The following SPAST variants were observed in gnomAD, a reference collection of about 807,000 sequenced individuals.
SPAST encodes the protein spastic paraplegia 4 (autosomal dominant; spastin).
SPAST carries 30 observed loss-of-function variants against 76.6 expected under a neutral mutation model. The ratio of observed to expected loss-of-function variants is 0.39; its 90% CI spans 0.29 to 0.53. The LOEUF (loss-of-function observed/expected upper bound fraction) is 0.53, where lower values mean the gene tolerates loss of function less well. Among genes scored for constraint, SPAST ranks in the 20% least tolerant of loss-of-function variants. The pLI is 0.68. For missense variants in SPAST, 717 were observed against 770.5 expected (o/e 0.93, Z 0.82); for synonymous variants, 305 against 281.0 (o/e 1.09, Z -0.86).
At chr2:32,075,644 G>C (rs1283214904) in intron 1 of SPAST, among the ~76,000 whole-genome samples, 12 of 136,492 alleles carry the variant, frequency 8.8e-5, no homozygotes, top group Non-Finnish European at 1.5e-4. Flanking sequence ...CTGCCTCCCA[G>C]ATTCAAGCAA....
chr2:32,110,880 T>C (rs926124787), intron 4 of SPAST, among the ~76,000 whole-genome samples: 3 of 101,518 alleles, frequency 3.0e-5, no homozygotes, highest in African/African-American at 1.1e-4. Flanking sequence ...TACTATATCG[T>C]GTGTATAGAG....
In SPAST at chr2:32,106,231, G is replaced by A. The variant is rs928911339; in HGVS notation, c.682+7340G>A. 3.9e-5 allele frequency among the ~76,000 whole-genome samples: 6 copies of A among 152,172 alleles called. No individual in the cohort carries two copies. In the South Asian group the frequency reaches 6.2e-4, roughly 16 times the overall value. On this transcript the variant is annotated intron_variant, in intron 4 of 16. Coordinates refer to ENST00000315285, the MANE Select transcript of SPAST (RefSeq NM_014946.4). The stretch of plus-strand genomic sequence containing the variant: ...TCAGACTGCTGTGCTAGCAGTGAGC[G>A]AGGTTCCGTTGGCATGGGACCCTCT...
At chr2:32,122,426 A>G (rs980821740) in intron 7 of SPAST, among the ~76,000 whole-genome samples, 8 of 152,256 alleles carry the variant, frequency 5.3e-5, no homozygotes, top group Middle Eastern at 3.4e-3. Flanking sequence ...GGTTCAAGCA[A>G]TTCTCATGCC....
Position 32,114,831 on chromosome 2 carries a change from C to A in SPAST, c.870+6C>A. On this transcript the variant is annotated splice_donor_region_variant and intron_variant, in intron 5 of 16. Coordinates refer to ENST00000315285, the MANE Select transcript of SPAST (RefSeq NM_014946.4). ...CTGCTCCTACCACTCATAAGGTATTCTGGGACAGTAACTTTAATTGCTGTC... is the reference window on the plus strand; with the variant it reads ...CTGCTCCTACCACTCATAAGGTATTATGGGACAGTAACTTTAATTGCTGTC... The A allele has an allele frequency of 6.2e-7, 1 of 1,611,676 alleles. No homozygotes were observed. Among genetic ancestry groups the A allele is most frequent in the Non-Finnish European group, 8.5e-7 (1 of 1,177,932 alleles).
rs932809798 is a variant in SPAST at position 32,098,810 on chromosome 2, G to A, written c.601G>A (p.Val201Ile). 2.5e-6 allele frequency: 4 copies of A among 1,613,078 alleles called. No individual in the cohort carries two copies. Among genetic ancestry groups the A allele is most frequent in the East Asian group, 2.2e-5 (1 of 44,830 alleles). ...CTGTTGCATAGAGAAGATGCAACCA[G>A]TTTTGCCATTTTCCAAGTCACAAAC... ...RLQLLEKMQP[V>I]LPFSKSQTDV... The change falls in exon 4 of 17, where the codon GTT (valine) becomes ATT (isoleucine). Residue 201 changes from valine to isoleucine, a missense_variant. Physicochemically the swap from Val to Ile is conservative, Grantham distance 29. Coordinates refer to ENST00000315285, the MANE Select transcript of SPAST (RefSeq NM_014946.4).
At chr2:32,065,023 CTT>C (rs1286197371) in intron 1 of SPAST, among the ~76,000 whole-genome samples, 5 of 145,404 alleles carry the variant, frequency 3.4e-5, no homozygotes, top group Non-Finnish European at 6.1e-5. Context: ...TTTAAGCTAA[CTT>C]TTTTTTTTTT....
At chr2:32,142,075 G>A (rs1679739548) in intron 13 of SPAST, 129 bp downstream of exon 13, 3 of 756,464 alleles carry the variant, frequency 4.0e-6, no homozygotes, top group Admixed American at 2.5e-5. Context: ...TTAAAAAGAT[G>A]TACATAAGCT....
At chr2:32,082,094 G>A (rs1465831235) in intron 1 of SPAST, among the ~76,000 whole-genome samples, 1 of 141,866 alleles carries the variant, frequency 7.0e-6, no homozygotes, top group East Asian at 2.2e-4. Flanking sequence ...GGTTCAAGCA[G>A]CGATTCTCCT....
chr2:32,089,404 A>G, intron 2 of SPAST, 118 bp from the exon 3 acceptor site: 1 of 582,808 alleles, frequency 1.7e-6, no homozygotes, highest in Non-Finnish European at 3.0e-6. Flanking sequence ...TCTTTTTTTT[A>G]AAAAAAAATT....
intron 3 of SPAST, among the ~76,000 whole-genome samples, chr2:32,092,750 A>G (rs216543): frequency 1 from 152,312 of 152,314 alleles, 76,155 homozygotes; most frequent in Middle Eastern, 1. Context: ...GCTCACACCT[A>G]TAATCCCAGC....
intron 4 of SPAST, among the ~76,000 whole-genome samples, chr2:32,110,947 G>A (rs1303177133): frequency 1.7e-4 from 3 of 17,982 alleles, no homozygotes; most frequent in Non-Finnish European, 2.8e-4. Context: ...ATACTATATC[G>A]TGTGTATAGA....
chr2:32,134,111 C>T (rs559361215), intron 9 of SPAST, among the ~76,000 whole-genome samples: 1 of 152,288 alleles, frequency 6.6e-6, no homozygotes, highest in Admixed American at 6.5e-5. Context: ...TCATGGCTCA[C>T]TGCAGCCTCA....
chr2:32,072,952 A>G lies in SPAST; in HGVS notation c.415+8706A>G, dbSNP rs1047524424. On this transcript the variant is annotated intron_variant, in intron 1 of 16. Coordinates refer to ENST00000315285, the MANE Select transcript of SPAST (RefSeq NM_014946.4). Reference sequence around the variant, plus strand: ...ATACCATACTTTTCCAAAAGATAACATTGCTTTTGATTACATATGCAATAA... The same window carrying G: ...ATACCATACTTTTCCAAAAGATAACGTTGCTTTTGATTACATATGCAATAA... Among the ~76,000 whole-genome samples the G allele has an allele frequency of 3.9e-5, 6 of 152,336 alleles. No individual in the cohort carries two copies. In the East Asian group the frequency reaches 1.2e-3, roughly 29 times the overall value.
Position 32,093,336 on chromosome 2 carries a change from G to A in SPAST, c.586+3731G>A, listed in dbSNP as rs562291508. Among the ~76,000 whole-genome samples the A allele has an allele frequency of 2.1e-3, 272 of 131,888 alleles. 1 individual carries two copies. Among genetic ancestry groups the A allele is most frequent in the Non-Finnish European group, 3.3e-3 (205 of 61,640 alleles). 86.5% of individuals were successfully genotyped at this position (131,888 alleles called of 152,430 possible). ...AAAAAAAAAAAAAAAAAAAAAAATA[G>A]CCGGGCATGGTGGCGGGCACCTCTA... On this transcript the variant is annotated intron_variant, in intron 3 of 16. Transcript: ENST00000315285.
intron 9 of SPAST, chr2:32,130,529 G>C (rs1253213105): frequency 6.6e-6 from 1 of 151,988 alleles, no homozygotes; most frequent in Admixed American, 6.6e-5. Flanking sequence ...AACCAGCCTG[G>C]CCAACATTGC....
chr2:32,139,681 T>C (rs770041012), intron 12 of SPAST, among the ~76,000 whole-genome samples: 11 of 151,774 alleles, frequency 7.2e-5, no homozygotes, highest in Non-Finnish European at 1.5e-4. Context: ...TACAAAAAAT[T>C]AGCCAGGCGT....
At chr2:32,146,691 C>A (rs908449787) in intron 15 of SPAST, among the ~76,000 whole-genome samples, 1 of 151,446 alleles carries the variant, frequency 6.6e-6, no homozygotes, top group Admixed American at 6.6e-5. Context: ...ATGGTGAAAC[C>A]GCATCTCTAC....
At chr2:32,074,204 A>G (rs1242666792) in intron 1 of SPAST, among the ~76,000 whole-genome samples, 1 of 152,238 alleles carries the variant, frequency 6.6e-6, no homozygotes, top group Non-Finnish European at 1.5e-5. Flanking sequence ...TAAATATCAT[A>G]AAACCTATCT....
In SPAST at chr2:32,088,849, T is replaced by C. The variant is rs567307509; in HGVS notation, c.503-673T>C. ...ATATTAATATCTGTGACCAAATTGGTGCATGCATGGGCAATGAAAAGCTAT... is the reference window on the plus strand; with the variant it reads ...ATATTAATATCTGTGACCAAATTGGCGCATGCATGGGCAATGAAAAGCTAT... On this transcript the variant is annotated intron_variant, in intron 2 of 16. Transcript: ENST00000315285. Among the ~76,000 whole-genome samples, 3 of 152,278 alleles carry C rather than the reference T, an allele frequency of 2.0e-5. No homozygotes were observed. In the East Asian group the frequency reaches 5.8e-4, roughly 29 times the overall value.
Sources: gnomAD v4.1 joint callset for allele counts (sites outside exome capture counted in the v4.1 genomes callset) on GRCh38, gnomAD v4.1.1 for gene constraint, MANE v1.5 for transcripts, NCBI Gene and HGNC (gene_info 2026-07-23, HGNC 2026-07-21) for gene names.